TNS3: variants seen among roughly 807,000 people sequenced by gnomAD.
TNS3 encodes tensin 3.
A neutral mutation model predicts 140.9 loss-of-function variants in TNS3; 45 were observed. That is an observed-to-expected ratio of 0.32 (90% CI 0.25 to 0.41). The LOEUF is 0.41. Ranked by LOEUF, TNS3 falls within the 10% of genes least tolerant of loss-of-function variation. TNS3 has a pLI of 1.00. For missense variants in TNS3, 1,716 were observed against 1,906.7 expected, an observed-to-expected ratio of 0.90 and a Z score of 1.86; for synonymous variants, 815 against 788.4, an observed-to-expected ratio of 1.03 and a Z score of -0.56.
chr7:47,543,871 T>C (rs1447040918), intron 1 of TNS3, among the ~76,000 whole-genome samples: 2 of 152,210 alleles, frequency 1.3e-5, no homozygotes, highest in African/African-American at 4.8e-5. Context: ...CAGGGCTTCT[T>C]CTGACAAACA....
In TNS3 at chr7:47,415,216, G is replaced by T. The variant is rs368366225; in HGVS notation, c.474-10C>A. ...GAGGAACTGAACATACCTGCAAAAC[G>T]GACAGCTGGGTTACACTTCCCAGAA... is the stretch of plus-strand genomic sequence containing the variant. On this transcript the variant is annotated splice_polypyrimidine_tract_variant and intron_variant, in intron 10 of 30. Coordinates refer to ENST00000311160, the MANE Select transcript of TNS3 (RefSeq NM_022748.12). 1.0e-5 allele frequency: 16 copies of T among 1,590,138 alleles called. No homozygotes were observed. The South Asian group carries it at 1.4e-4, about 13-fold the overall frequency.
chr7:47,369,237 A>G lies in TNS3; in HGVS notation c.1409T>C (p.Leu470Pro). ...CAGAATGTCTGTCTCCCGATCCTTC[A>G]GAGCAGCGTCTCCATTCACGTGAAC... is the stretch of plus-strand genomic sequence containing the variant. ...AQVHVNGDAA[L>P]KDRETDILDD... The change falls in exon 17 of 31, where the codon CTG becomes CCG. Residue 470 changes from leucine to proline, a missense_variant. Leu to Pro is a moderately conservative substitution (Grantham distance 98). Transcript: ENST00000311160. 6.2e-7 allele frequency: 1 copy of G among 1,614,186 alleles called. No homozygotes were observed. The highest frequency in any genetic ancestry group is 1.3e-5 in the African/African-American group (1 of 75,054).
chr7:47,497,183 A>T (rs1411369847), intron 3 of TNS3, among the ~76,000 whole-genome samples: 1 of 152,260 alleles, frequency 6.6e-6, no homozygotes. Context: ...TTAATAAATA[A>T]AATGCATAGT....
At chr7:47,388,998 AGAAG>A (rs1306234642) in intron 16 of TNS3, among the ~76,000 whole-genome samples, 2 of 18,922 alleles carry the variant, frequency 1.1e-4, no homozygotes, top group Non-Finnish European at 9.2e-4. Flanking sequence ...AAGAAGAAGA[AGAAG>A]GAAGAAGAAG....
intron 27 of TNS3, among the ~76,000 whole-genome samples, chr7:47,285,213 C>T (rs1183662835): frequency 1.3e-5 from 2 of 152,140 alleles, no homozygotes; most frequent in East Asian, 1.9e-4. Context: ...TTCTATCCAC[C>T]GCAAAGGCCA....
At chr7:47,364,483 T>C (rs1182352444) in intron 17 of TNS3, among the ~76,000 whole-genome samples, 3 of 152,122 alleles carry the variant, frequency 2.0e-5, no homozygotes, top group South Asian at 4.2e-4. Context: ...GGTTTTGCCA[T>C]GTTGGCCAGG....
intron 3 of TNS3, among the ~76,000 whole-genome samples, chr7:47,493,318 A>T (rs1797881637): frequency 6.6e-6 from 1 of 152,320 alleles, no homozygotes; most frequent in South Asian, 2.1e-4. Flanking sequence ...GCACTCGGAG[A>T]TGAGAAAGAA....
At position 47,452,865 on chromosome 7, in the gene TNS3, C is replaced by T. The variant is rs1029145145; in HGVS notation, c.-75-10810G>A. On this transcript the variant is annotated intron_variant, in intron 4 of 30. Coordinates refer to ENST00000311160, the MANE Select transcript of TNS3 (RefSeq NM_022748.12). ...TACCGGAGGCCACAGAGGAGGGTGGCCAGGGACAGACAAAGTGCCCAGTGC... is the reference window on the plus strand; with the variant it reads ...TACCGGAGGCCACAGAGGAGGGTGGTCAGGGACAGACAAAGTGCCCAGTGC... 3.1e-6 allele frequency: 3 copies of T among 964,832 alleles called. No individual in the cohort carries two copies. In the African/African-American group the frequency reaches 5.3e-5, roughly 17 times the overall value. The allele number at this position is 964,832 out of a possible 1,614,324, so 59.8% of individuals were successfully genotyped here.
intron 1 of TNS3, chr7:47,581,732 G>A (rs933580202): frequency 6.8e-6 from 1 of 146,094 alleles, no homozygotes; most frequent in Non-Finnish European, 1.5e-5. Context: ...TGGGACTCCT[G>A]CCGAGCCCCC....
chr7:47,449,164 C>T (rs150509770), intron 4 of TNS3, among the ~76,000 whole-genome samples: 68 of 152,374 alleles, frequency 4.5e-4, no homozygotes, highest in Non-Finnish European at 7.9e-4. Context: ...CAGCACTGTG[C>T]GCCTGGCACG....
At chr7:47,343,373 C>G (rs1413341792) in intron 20 of TNS3, among the ~76,000 whole-genome samples, 1 of 152,244 alleles carries the variant, frequency 6.6e-6, no homozygotes, top group Non-Finnish European at 1.5e-5. Flanking sequence ...CCCTCAGGAG[C>G]TGTTAATGAG....
intron 1 of TNS3, among the ~76,000 whole-genome samples, chr7:47,559,064 C>G (rs921272478): frequency 1.3e-5 from 2 of 152,198 alleles, no homozygotes; most frequent in Non-Finnish European, 2.9e-5. Context: ...TTTAAATATA[C>G]AGACAGGCAG....
intron 4 of TNS3, among the ~76,000 whole-genome samples, chr7:47,444,942 C>T (rs2151595385): frequency 6.6e-6 from 1 of 152,272 alleles, no homozygotes; most frequent in Non-Finnish European, 1.5e-5. Flanking sequence ...CACAAAGTTG[C>T]TTACATGAAG....
chr7:47,308,525 C>A (rs576656637), intron 20 of TNS3, among the ~76,000 whole-genome samples: 31 of 152,166 alleles, frequency 2.0e-4, no homozygotes, highest in Non-Finnish European at 4.0e-4. Context: ...TGATTGAATG[C>A]CAGACACTGT....
intron 4 of TNS3, among the ~76,000 whole-genome samples, chr7:47,456,237 C>G (rs940252466): frequency 2.6e-5 from 4 of 152,172 alleles, no homozygotes; most frequent in South Asian, 4.1e-4. Context: ...CTCCAGCAGG[C>G]TCCAGGAGCC....
chr7:47,292,764 A>C, intron 26 of TNS3, 64 bp downstream of exon 26: 1 of 1,422,790 alleles, frequency 7.0e-7, no homozygotes, highest in Admixed American at 1.9e-5. Context: ...ATGGATCTCT[A>C]AAACCGGTGG....
intron 16 of TNS3, among the ~76,000 whole-genome samples, chr7:47,390,630 G>C (rs185056084): frequency 6.6e-6 from 1 of 152,192 alleles, no homozygotes; most frequent in African/African-American, 2.4e-5. Context: ...TCTTGGATTG[G>C]TAAGTTTGAG....
At chr7:47,500,388 C>T (rs958798651) in intron 3 of TNS3, among the ~76,000 whole-genome samples, 1 of 152,234 alleles carries the variant, frequency 6.6e-6, no homozygotes, top group African/African-American at 2.4e-5. Context: ...CCGTGCTGGC[C>T]GCGTGAGCTG....
intron 1 of TNS3, among the ~76,000 whole-genome samples, chr7:47,578,765 G>A (rs113759737): frequency 4.6e-5 from 7 of 152,330 alleles, no homozygotes; most frequent in African/African-American, 1.7e-4. Context: ...GAAACTTGGA[G>A]AGTCTAGTTT....
Sources: gnomAD v4.1 joint callset for allele counts (sites outside exome capture counted in the v4.1 genomes callset) on GRCh38, gnomAD v4.1.1 for gene constraint, MANE v1.5 for transcripts, NCBI Gene and HGNC (gene_info 2026-07-23, HGNC 2026-07-21) for gene names.